CFDP1: variants seen among roughly 807,000 people sequenced by gnomAD.
CFDP1 encodes chromatin remodeling protein CFDP1.
CFDP1 carries 31 observed loss-of-function variants against 40.1 expected under a neutral mutation model. That is an observed-to-expected ratio of 0.77 (90% confidence interval 0.58 to 1.04). The LOEUF (loss-of-function observed/expected upper bound fraction) is 1.04. Among genes scored for constraint, CFDP1 ranks in the 50% least tolerant of loss-of-function variants. The pLI, the probability that CFDP1 is intolerant of heterozygous loss-of-function variation, is 0.00. For synonymous variants in CFDP1, 167 were observed against 120.0 expected (o/e 1.39, Z -2.56); for missense variants, 423 against 343.4 (o/e 1.23, Z -1.83).
chr16:75,342,776 C>G (rs1241092435), intron 5 of CFDP1, among the ~76,000 whole-genome samples: 1 of 152,194 alleles, frequency 6.6e-6, no homozygotes, highest in Non-Finnish European at 1.5e-5. Flanking sequence ...AACCTTGGGT[C>G]ATTCTGCCCT....
intron 5 of CFDP1, chr16:75,324,780 A>G (rs1232548558): frequency 3.3e-5 from 5 of 151,752 alleles, no homozygotes; most frequent in African/African-American, 1.2e-4. Context: ...GCTAGGAAAG[A>G]TTAGTGGAGC....
chr16:75,311,212 T>C (rs761702808), intron 5 of CFDP1, among the ~76,000 whole-genome samples: 1 of 152,226 alleles, frequency 6.6e-6, no homozygotes, highest in Non-Finnish European at 1.5e-5. Flanking sequence ...CTCAGTGCTT[T>C]TGATGCCCAG....
intron 5 of CFDP1, among the ~76,000 whole-genome samples, chr16:75,340,253 A>C (rs1233977219): frequency 6.6e-6 from 1 of 152,226 alleles, no homozygotes; most frequent in African/African-American, 2.4e-5. Flanking sequence ...GCCTCCTTCA[A>C]ATTATGGGAC....
At chr16:75,354,373 G>A (rs1339517268) in intron 5 of CFDP1, among the ~76,000 whole-genome samples, 4 of 152,198 alleles carry the variant, frequency 2.6e-5, no homozygotes, top group Non-Finnish European at 4.4e-5. Context: ...CTGTTGTGGA[G>A]AAGAAAGTTG....
chr16:75,308,749 C>A (rs1480787571), intron 5 of CFDP1, among the ~76,000 whole-genome samples: 2 of 152,218 alleles, frequency 1.3e-5, no homozygotes, highest in East Asian at 1.9e-4. Context: ...GCTATGTACG[C>A]CACCTCTCCC....
At chr16:75,348,230 A>G (rs1454495462) in intron 5 of CFDP1, among the ~76,000 whole-genome samples, 2 of 152,154 alleles carry the variant, frequency 1.3e-5, no homozygotes, top group African/African-American at 4.8e-5. Context: ...TTCTGGCCTC[A>G]AGCAGTCTTC....
chr16:75,316,608 G>A (rs2078324570), intron 5 of CFDP1, among the ~76,000 whole-genome samples: 1 of 145,752 alleles, frequency 6.9e-6, no homozygotes, highest in African/African-American at 2.5e-5. Context: ...CCTATTTGAA[G>A]GACAAAAATA....
At chr16:75,309,692 C>T (rs1187039174) in intron 5 of CFDP1, among the ~76,000 whole-genome samples, 5 of 151,972 alleles carry the variant, frequency 3.3e-5, no homozygotes, top group South Asian at 4.2e-4. Context: ...TGGTGGCAGG[C>T]GCCTGTAGTC....
intron 5 of CFDP1, among the ~76,000 whole-genome samples, chr16:75,355,370 A>G (rs76044966): frequency 2.6e-5 from 4 of 152,230 alleles, no homozygotes; most frequent in South Asian, 2.1e-4. Flanking sequence ...ATTGAAGTCA[A>G]TCCTCTCAAA....
At chr16:75,376,980 T>C (rs945098029) in intron 5 of CFDP1, among the ~76,000 whole-genome samples, 2 of 152,226 alleles carry the variant, frequency 1.3e-5, no homozygotes, top group Non-Finnish European at 2.9e-5. Flanking sequence ...CTCAGCACAA[T>C]GCCTATGCGG....
At chr16:75,381,922 C>T (rs1286799718) in intron 5 of CFDP1, among the ~76,000 whole-genome samples, 1 of 151,826 alleles carries the variant, frequency 6.6e-6, no homozygotes, top group East Asian at 1.9e-4. Flanking sequence ...TTGGGAAAAC[C>T]CTAAGCAAAT....
chr16:75,419,841 A>C (rs9940447), intron 1 of CFDP1, among the ~76,000 whole-genome samples: 3 of 152,198 alleles, frequency 2.0e-5, no homozygotes, highest in African/African-American at 7.2e-5. Context: ...ATAATCAAGA[A>C]ATAACCATAA....
chr16:75,432,507 C>T (rs529015564), intron 1 of CFDP1, among the ~76,000 whole-genome samples: 1 of 151,990 alleles, frequency 6.6e-6, no homozygotes, highest in Non-Finnish European at 1.5e-5. Flanking sequence ...GCCAAGATCG[C>T]ATCACTGCAC....
At chr16:75,423,884 T>C (rs747827303) in intron 1 of CFDP1, among the ~76,000 whole-genome samples, 1 of 152,116 alleles carries the variant, frequency 6.6e-6, no homozygotes, top group Non-Finnish European at 1.5e-5. Context: ...ATATTTTCTA[T>C]CTGCAGTTGG....
intron 5 of CFDP1, among the ~76,000 whole-genome samples, chr16:75,347,343 C>CAAAAAAAAAAAAAAAAAAA (rs762900031): frequency 3.3e-5 from 3 of 91,624 alleles, no homozygotes; most frequent in African/African-American, 3.9e-5. Flanking sequence ...GACTCCATCT[C>CAAAAAAAAAAAAAAAAAAA]AAAAAAAAAA....
intron 5 of CFDP1, among the ~76,000 whole-genome samples, chr16:75,392,086 T>C (rs1269243345): frequency 1.3e-5 from 2 of 151,992 alleles, no homozygotes; most frequent in Admixed American, 1.3e-4. Context: ...AGCTTCAAAT[T>C]TTAAAAATCC....
Position 75,349,698 on chromosome 16 carries a change from T to TATATAC in CFDP1, c.651-44517_651-44516insGTATAT, listed in dbSNP as rs146824267. Among the ~76,000 whole-genome samples, 20 of 47,896 alleles carry TATATAC rather than the reference T, an allele frequency of 4.2e-4. 1 individual carries two copies. Among genetic ancestry groups the TATATAC allele is most frequent in the African/African-American group, 1.2e-3 (11 of 9,172 alleles). 31.4% of individuals were successfully genotyped at this position (47,896 alleles called of 152,430 possible). A position where few individuals can be genotyped will look rare whatever the true frequency, so the allele number is the denominator to read the frequency against. ...AAAAAAAAAAAAAAAAAAATATATA[T>TATATAC]ACATACATATATACGGTTGATTTTT... On this transcript the variant is annotated intron_variant, in intron 5 of 6. Transcript: ENST00000283882.
In CFDP1 at chr16:75,346,582, C is replaced by CAAAAAAAAAAAAAAAA. The variant is rs748081401; in HGVS notation, c.651-41416_651-41401dup. 2.0e-4 allele frequency among the ~76,000 whole-genome samples: 12 copies of CAAAAAAAAAAAAAAAA among 59,346 alleles called. 1 individual carries two copies. Among genetic ancestry groups the CAAAAAAAAAAAAAAAA allele is most frequent in the African/African-American group, 3.7e-4 (5 of 13,636 alleles). The allele number at this position is 59,346 out of a possible 152,430, so 38.9% of individuals were successfully genotyped here. A position where few individuals can be genotyped will look rare whatever the true frequency, so the allele number is the denominator to read the frequency against. On this transcript the variant is annotated intron_variant, in intron 5 of 6. Coordinates refer to ENST00000283882, the MANE Select transcript of CFDP1 (RefSeq NM_006324.3). The stretch of plus-strand genomic sequence containing the variant: ...TGGGTGACAGAGCAAGACTCTGTCT[C>CAAAAAAAAAAAAAAAA]AAAAAAAAAAAAAAAAAAAAAAAAA...
intron 4 of CFDP1, among the ~76,000 whole-genome samples, chr16:75,408,542 G>A (rs1210665220): frequency 6.6e-6 from 1 of 152,038 alleles, no homozygotes; most frequent in African/African-American, 2.4e-5. Flanking sequence ...ACTTTGGGAG[G>A]CTGAGGAGGG....
Sources: allele counts gnomAD v4.1 joint callset (sites outside exome capture counted in the v4.1 genomes callset), GRCh38; gene constraint gnomAD v4.1.1; transcripts MANE v1.5; gene names NCBI Gene and HGNC (gene_info 2026-07-23, HGNC 2026-07-21).